ANK3: variants seen among roughly 807,000 people sequenced by gnomAD.
The protein encoded by ANK3 is ankyrin-3.
ANK3 carries 57 observed loss-of-function variants against 370.9 expected under a neutral mutation model. The observed-to-expected ratio is 0.15, with a 90% CI of 0.12 to 0.19. The LOEUF (loss-of-function observed/expected upper bound fraction) is 0.19, where lower values mean the gene tolerates loss of function less well. Among genes scored for constraint, ANK3 ranks in the 10% least tolerant of loss-of-function variants. The pLI is 1.00. For synonymous variants in ANK3, 1,929 were observed against 1,946.3 expected (o/e 0.99, Z 0.23); for missense variants, 4,439 against 5,302.1 (o/e 0.84, Z 5.06).
upstream of ANK3, among the ~76,000 whole-genome samples, chr10:60,392,780 T>C (rs1014140634): frequency 1.3e-5 from 2 of 151,976 alleles, no homozygotes; most frequent in African/African-American, 4.8e-5. Context: ...AATACAAAAA[T>C]TAGCTGGGCG....
intron 2 of ANK3, among the ~76,000 whole-genome samples, chr10:60,519,182 G>A (rs770600037): frequency 9.2e-5 from 14 of 152,108 alleles, no homozygotes; most frequent in Non-Finnish European, 1.8e-4. Context: ...CCAATGCCCC[G>A]GGTGAGACAT....
intron 2 of ANK3, among the ~76,000 whole-genome samples, chr10:60,506,435 T>A (rs890073108): frequency 6.6e-6 from 1 of 152,070 alleles, no homozygotes; most frequent in African/African-American, 2.4e-5. Flanking sequence ...CTTTCCAAAG[T>A]TTGGGGACTC....
chr10:60,581,597 A>AT (rs67585866), intron 2 of ANK3, among the ~76,000 whole-genome samples: 4,069 of 137,736 alleles, frequency 0.03, 97 homozygotes, highest in African/African-American at 0.073. Context: ...GCTAATTATT[A>AT]TTTTTTTTTT....
chr10:60,051,275 C>T (rs1203364363), intron 42 of ANK3, among the ~76,000 whole-genome samples: 2 of 152,148 alleles, frequency 1.3e-5, no homozygotes, highest in Non-Finnish European at 2.9e-5. Flanking sequence ...TAGGCCTATA[C>T]AGAATACCAT....
At chr10:60,494,632 C>A (rs2075606538) in intron 2 of ANK3, among the ~76,000 whole-genome samples, 2 of 151,950 alleles carry the variant, frequency 1.3e-5, no homozygotes. Context: ...AAGGTGTTTT[C>A]TTTTAGCCTT....
chr10:60,389,757 C>G lies in ANK3; in HGVS notation c.-219G>C, dbSNP rs1566988641. ...GACTTCATCCTACACCTTCCTCTAC[C>G]TGAACCTTTACAGGAGAGTGCAGCC... is the stretch of plus-strand genomic sequence containing the variant. On this transcript the variant is annotated 5_prime_UTR_variant, in exon 1 of 44. Transcript: ENST00000280772. 5.7e-6 allele frequency: 8 copies of G among 1,398,706 alleles called. No homozygotes were observed. Among genetic ancestry groups the G allele is most frequent in the East Asian group, 2.7e-5 (1 of 37,230 alleles). 86.6% of individuals were successfully genotyped at this position (1,398,706 alleles called of 1,614,324 possible). A position where few individuals can be genotyped will look rare whatever the true frequency, so the allele number is the denominator to read the frequency against.
At chr10:60,210,694 T>C (rs1205405883) in intron 9 of ANK3, among the ~76,000 whole-genome samples, 2 of 152,136 alleles carry the variant, frequency 1.3e-5, no homozygotes, top group Non-Finnish European at 2.9e-5. Context: ...ACATGTGTGT[T>C]TCCTTTTCCA....
chr10:60,152,339 T>C (rs745815230), intron 23 of ANK3, among the ~76,000 whole-genome samples: 5 of 152,240 alleles, frequency 3.3e-5, no homozygotes, highest in African/African-American at 4.8e-5. Context: ...CTGGTGGCTT[T>C]TGTTCTACAA....
chr10:60,238,345 G>T (rs2097366574), intron 7 of ANK3, among the ~76,000 whole-genome samples: 1 of 152,192 alleles, frequency 6.6e-6, no homozygotes, highest in South Asian at 2.1e-4. Context: ...CTGGTGAAAT[G>T]TAAATTTGTA....
intron 2 of ANK3, among the ~76,000 whole-genome samples, chr10:60,423,143 A>G (rs2063812156): frequency 6.6e-6 from 1 of 152,056 alleles, no homozygotes; most frequent in Non-Finnish European, 1.5e-5. Context: ...TGTCTACGTG[A>G]AAACCAATCT....
intron 2 of ANK3, among the ~76,000 whole-genome samples, chr10:60,565,126 T>C (rs530007275): frequency 2.6e-5 from 4 of 152,222 alleles, no homozygotes; most frequent in South Asian, 4.2e-4. Context: ...CTGGCCTTTC[T>C]ACCAAATAGT....
At chr10:60,482,183 T>C (rs565833772) in intron 2 of ANK3, among the ~76,000 whole-genome samples, 25 of 152,310 alleles carry the variant, frequency 1.6e-4, no homozygotes, top group African/African-American at 5.1e-4. Context: ...CTTGTTGCTC[T>C]GACTCAAATG....
chr10:60,402,276 T>C (rs1197229476), intron 2 of ANK3, among the ~76,000 whole-genome samples: 1 of 152,110 alleles, frequency 6.6e-6, no homozygotes, highest in Non-Finnish European at 1.5e-5. Flanking sequence ...AAATGATTTA[T>C]AAAACTAAGA....
intron 1 of ANK3, among the ~76,000 whole-genome samples, chr10:60,339,224 A>G (rs2053716690): frequency 6.6e-6 from 1 of 152,150 alleles, no homozygotes; most frequent in Non-Finnish European, 1.5e-5. Flanking sequence ...ATTGCGATGA[A>G]AATGCAATCT....
chr10:60,610,067 T>C (rs938095491), intron 2 of ANK3, among the ~76,000 whole-genome samples: 1 of 152,018 alleles, frequency 6.6e-6, no homozygotes, highest in Admixed American at 6.6e-5. Context: ...AGTATTAATA[T>C]ATAAAAAGCT....
At chr10:60,531,737 T>C (rs2076611448) in intron 2 of ANK3, among the ~76,000 whole-genome samples, 1 of 152,104 alleles carries the variant, frequency 6.6e-6, no homozygotes, top group Admixed American at 6.6e-5. Flanking sequence ...AAGCCTGACA[T>C]TTATTTGGGA....
intron 2 of ANK3, among the ~76,000 whole-genome samples, chr10:60,429,599 T>G (rs1156446578): frequency 6.6e-6 from 1 of 152,206 alleles, no homozygotes; most frequent in Non-Finnish European, 1.5e-5. Context: ...AGTGGGAACA[T>G]TGGTTCAGCA....
At chr10:60,382,199 A>T (rs1206241856) in intron 1 of ANK3, among the ~76,000 whole-genome samples, 1 of 151,654 alleles carries the variant, frequency 6.6e-6, no homozygotes, top group Non-Finnish European at 1.5e-5. Context: ...CTTCCTTCCA[A>T]CCCTCTTAGG....
Position 60,073,725 on chromosome 10 carries a change from A to G in ANK3, c.7156T>C (p.Ser2386Pro). The change falls in exon 37 of 44, where the codon TCA becomes CCA. Residue 2386 changes from serine to proline, a missense_variant. Around this residue, in one of 13 missense-constraint regions of ANK3, gnomAD observed 1,601 missense variants for 1,731.7 expected, o/e 0.92. Coordinates refer to ENST00000280772, the MANE Select transcript of ANK3 (RefSeq NM_020987.5). ...LPEKHDAFPC[S>P]EEQGQQEEEE... is the part of the protein sequence containing the mutation. Reference sequence around the variant, plus strand: ...TCTTCTTGCTGACCCTGTTCCTCTGAACAAGGAAAAGCATCGTGTTTTTCT... The same window carrying G: ...TCTTCTTGCTGACCCTGTTCCTCTGGACAAGGAAAAGCATCGTGTTTTTCT... The G allele has an allele frequency of 8.7e-6, 14 of 1,613,972 alleles. No individual in the cohort carries two copies. Among genetic ancestry groups the G allele is most frequent in the Non-Finnish European group, 1.2e-5 (14 of 1,180,002 alleles).
Sources: gnomAD v4.1 joint callset for allele counts (sites outside exome capture counted in the v4.1 genomes callset) on GRCh38, gnomAD v4.1.1 for gene constraint, gnomAD v4.1.1 regional missense constraint, MANE v1.5 for transcripts, NCBI Gene and HGNC (gene_info 2026-07-23, HGNC 2026-07-21) for gene names.